The following ARHGAP21 variants were observed in gnomAD, a reference collection of about 807,000 sequenced individuals.
The protein encoded by ARHGAP21 is rho GTPase-activating protein 21.
ARHGAP21 carries 38 observed loss-of-function variants against 164.6 expected under a neutral mutation model. The ratio of observed to expected loss-of-function variants is 0.23; its 90% CI spans 0.18 to 0.30. The LOEUF is 0.30. ARHGAP21 is among the 10% of genes least tolerant of loss of function. ARHGAP21 has a pLI of 1.00. For synonymous variants in ARHGAP21, 766 were observed against 857.9 expected, an observed-to-expected ratio of 0.89 and a Z score of 1.87; for missense variants, 1,822 against 2,370.7, an observed-to-expected ratio of 0.77 and a Z score of 4.81.
At chr10:24,633,835 C>CTGAGT (rs1309035158) in intron 5 of ARHGAP21, among the ~76,000 whole-genome samples, 1 of 149,124 alleles carries the variant, frequency 6.7e-6, no homozygotes, top group Non-Finnish European at 1.5e-5. Flanking sequence ...CAGTTGTTTC[C>CTGAGT]TGAGTTGCAG....
At chr10:24,593,039 G>C (rs1303873660) in intron 21 of ARHGAP21, among the ~76,000 whole-genome samples, 1 of 151,698 alleles carries the variant, frequency 6.6e-6, no homozygotes, top group Non-Finnish European at 1.5e-5. Context: ...TTTGAATTCA[G>C]TATTTGATTA....
chr10:24,720,957 G>C (rs1184532039), intron 2 of ARHGAP21, among the ~76,000 whole-genome samples: 1 of 148,940 alleles, frequency 6.7e-6, no homozygotes, highest in African/African-American at 2.5e-5. Context: ...ATTCATAATA[G>C]AAGTAAATTC....
chr10:24,704,587 C>T (rs1395937644), intron 2 of ARHGAP21, among the ~76,000 whole-genome samples: 8 of 152,156 alleles, frequency 5.3e-5, no homozygotes, highest in Non-Finnish European at 7.4e-5. Context: ...GCCTCAGCCT[C>T]CCAAGCAGCT....
At position 24,660,386 on chromosome 10, in the gene ARHGAP21, T is replaced by TAAAAAAAAAAAAAA. The variant is rs56053080; in HGVS notation, c.268+6585_268+6598dup. 6.7e-5 allele frequency among the ~76,000 whole-genome samples: 4 copies of TAAAAAAAAAAAAAA among 60,092 alleles called. 1 individual carries two copies. Among genetic ancestry groups the TAAAAAAAAAAAAAA allele is most frequent in the South Asian group, 2.3e-3 (2 of 886 alleles). The allele number at this position is 60,092 out of a possible 152,430, so 39.4% of individuals were successfully genotyped here. On this transcript the variant is annotated intron_variant, in intron 4 of 25. Coordinates refer to ENST00000396432, the MANE Select transcript of ARHGAP21 (RefSeq NM_020824.4). The stretch of plus-strand genomic sequence containing the variant: ...GCACAGAGCAACACCCTCTCTCTCT[T>TAAAAAAAAAAAAAA]AAAAAAAAAAAAAAAAAAAAAAAAG...
chr10:24,616,303 T>C (rs1833942038), intron 9 of ARHGAP21, among the ~76,000 whole-genome samples: 1 of 152,184 alleles, frequency 6.6e-6, no homozygotes, highest in Non-Finnish European at 1.5e-5. Flanking sequence ...CCTGAATTAG[T>C]ATTAAAGAAG....
Position 24,718,015 on chromosome 10 carries a change from G to A in ARHGAP21, c.63+3822C>T, listed in dbSNP as rs567590279. Among the ~76,000 whole-genome samples, 35 of 152,290 alleles carry A rather than the reference G, an allele frequency of 2.3e-4. No individual in the cohort carries two copies. The South Asian group carries it at 4.3e-3, about 19-fold the overall frequency. On this transcript the variant is annotated intron_variant, in intron 2 of 25. Transcript: ENST00000396432. Reference sequence around the variant, plus strand: ...CTGATTACAGTAGGGACAGAGCTGCGGAAGGGGACAAGGCTAAGTTATTGG... The same window carrying A: ...CTGATTACAGTAGGGACAGAGCTGCAGAAGGGGACAAGGCTAAGTTATTGG...
At chr10:24,678,034 G>T (rs1841425935) in intron 2 of ARHGAP21, among the ~76,000 whole-genome samples, 1 of 151,930 alleles carries the variant, frequency 6.6e-6, no homozygotes, top group Non-Finnish European at 1.5e-5. Flanking sequence ...GGCAGAGGTG[G>T]GAGGGCAGCT....
Position 24,584,359 on chromosome 10 carries a change from C to A in ARHGAP21, c.*53G>T. 1 of 1,509,628 alleles carries A rather than the reference C, an allele frequency of 6.6e-7. No individual in the cohort carries two copies. The highest frequency in any genetic ancestry group is 2.3e-5 in the East Asian group (1 of 44,128). 93.5% of individuals were successfully genotyped at this position (1,509,628 alleles called of 1,614,324 possible). On this transcript the variant is annotated 3_prime_UTR_variant, in exon 26 of 26. Transcript: ENST00000396432. ...ATACAAGAAAATATTGACAGAGTTA[C>A]TGGAACGTGTAACAGTAGTTTTTTT...
chr10:24,681,498 G>T (rs1841748373), intron 2 of ARHGAP21, among the ~76,000 whole-genome samples: 1 of 152,124 alleles, frequency 6.6e-6, no homozygotes, highest in South Asian at 2.1e-4. Flanking sequence ...GTAGAACAGG[G>T]TCCTAGTATA....
intron 4 of ARHGAP21, among the ~76,000 whole-genome samples, chr10:24,639,580 G>A (rs1446251772): frequency 6.6e-6 from 1 of 152,114 alleles, no homozygotes; most frequent in Non-Finnish European, 1.5e-5. Context: ...CTGGTTGAAA[G>A]GACACTCATC....
chr10:24,630,601 C>T (rs1425360142), intron 6 of ARHGAP21, among the ~76,000 whole-genome samples: 1 of 152,166 alleles, frequency 6.6e-6, no homozygotes, highest in Non-Finnish European at 1.5e-5. Flanking sequence ...AAGCCATTCT[C>T]ATGCCTCAGC....
At chr10:24,638,581 A>G (rs1040464755) in intron 4 of ARHGAP21, among the ~76,000 whole-genome samples, 1 of 152,208 alleles carries the variant, frequency 6.6e-6, no homozygotes, top group Non-Finnish European at 1.5e-5. Flanking sequence ...TACTTAGCAG[A>G]CCCAGATGGC....
intron 2 of ARHGAP21, among the ~76,000 whole-genome samples, chr10:24,692,242 A>G (rs1842815508): frequency 6.6e-6 from 1 of 152,198 alleles, no homozygotes; most frequent in South Asian, 2.1e-4. Context: ...CTTAGCAGTT[A>G]AACAAACGAA....
chr10:24,717,672 A>C (rs1300516320), intron 2 of ARHGAP21, among the ~76,000 whole-genome samples: 1 of 152,194 alleles, frequency 6.6e-6, no homozygotes, highest in Non-Finnish European at 1.5e-5. Context: ...AGAAGCGCGG[A>C]CCAAATTACC....
At chr10:24,605,204 A>T (rs1311967723) in intron 11 of ARHGAP21, among the ~76,000 whole-genome samples, 3 of 152,192 alleles carry the variant, frequency 2.0e-5, no homozygotes, top group Admixed American at 2.0e-4. Flanking sequence ...AAGAAAGAAC[A>T]GGGCACCGAT....
At chr10:24,612,669 A>G (rs1266062127) in intron 9 of ARHGAP21, among the ~76,000 whole-genome samples, 1 of 152,044 alleles carries the variant, frequency 6.6e-6, no homozygotes, top group Non-Finnish European at 1.5e-5. Flanking sequence ...CCTGGTTAAT[A>G]CGGTGAAACC....
Position 24,720,574 on chromosome 10 carries a change from G to A in ARHGAP21, c.63+1263C>T, listed in dbSNP as rs76709424. Among the ~76,000 whole-genome samples, 159 of 152,298 alleles carry A rather than the reference G, an allele frequency of 1.0e-3. 3 individuals are homozygous for A. The East Asian group carries it at 0.029, about 28-fold the overall frequency. On this transcript the variant is annotated intron_variant, in intron 2 of 25. Coordinates refer to ENST00000396432, the MANE Select transcript of ARHGAP21 (RefSeq NM_020824.4). ...ACAGTTCTGCCTAATAAATTGTACA[G>A]TAATAGCACACTGTACCTCACAACG...
chr10:24,585,774 T>C lies in ARHGAP21; in HGVS notation c.4515A>G (p.Pro1505=), dbSNP rs2076077429. Residue 1505 remains proline (P), a synonymous_variant, in exon 26 of 26, where the codon CCA becomes CCG. Coordinates refer to ENST00000396432, the MANE Select transcript of ARHGAP21 (RefSeq NM_020824.4). ...ACTTGTTGTGTTTTGAGTTGTGTGG[T>C]GGTGAGGGTTCTTCAGAAGGCGTGC... ...KESTPSEEPS[P]PHNSKHNKSP... 1.2e-6 allele frequency: 2 copies of C among 1,613,816 alleles called. No individual in the cohort carries two copies. Among genetic ancestry groups the C allele is most frequent in the African/African-American group, 1.3e-5 (1 of 74,912 alleles).
chr10:24,694,988 T>C (rs1001995772), intron 2 of ARHGAP21, among the ~76,000 whole-genome samples: 18 of 116,262 alleles, frequency 1.5e-4, no homozygotes, highest in African/African-American at 5.7e-4. Flanking sequence ...GAGGTGGAGG[T>C]TGCAGTGAGC....
Sources: gnomAD v4.1 joint callset for allele counts (sites outside exome capture counted in the v4.1 genomes callset) on GRCh38, gnomAD v4.1.1 for gene constraint, MANE v1.5 for transcripts, NCBI Gene and HGNC (gene_info 2026-07-23, HGNC 2026-07-21) for gene names.